Variants in FHOD3 observed in about 807,000 individuals in gnomAD.
FHOD3 encodes the protein formin homology 2 domain containing 3, also known as FH1/FH2 domain-containing protein 3.
A neutral mutation model predicts 173.0 loss-of-function variants in FHOD3; 90 were observed. That is an observed-to-expected ratio of 0.52 (90% CI 0.44 to 0.62). FHOD3 has a LOEUF of 0.62. Ranked by LOEUF, FHOD3 falls within the 20% of genes least tolerant of loss-of-function variation. The pLI, the probability that FHOD3 is intolerant of heterozygous loss-of-function variation, is 0.00. For synonymous variants in FHOD3, 828 were observed against 823.0 expected, an observed-to-expected ratio of 1.01 and a Z score of -0.10; for missense variants, 1,945 against 2,034.7, an observed-to-expected ratio of 0.96 and a Z score of 0.85.
chr18:36,394,434 G>A (rs918801714), intron 3 of FHOD3, among the ~76,000 whole-genome samples: 3 of 152,250 alleles, frequency 2.0e-5, no homozygotes, highest in South Asian at 2.1e-4. Flanking sequence ...AGGAAAGAGC[G>A]GTATAGCTGG....
At chr18:36,482,845 ACT>A (rs199862002) in intron 3 of FHOD3, among the ~76,000 whole-genome samples, 38,964 of 121,438 alleles carry the variant, frequency 0.32, 5,733 homozygotes, top group African/African-American at 0.33. Context: ...ACACACACAC[ACT>A]CACACACACA....
chr18:36,710,060 C>T (rs2040086244), intron 18 of FHOD3: 1 of 152,192 alleles, frequency 6.6e-6, no homozygotes, highest in Non-Finnish European at 1.5e-5. Context: ...AATACTCATT[C>T]AGTTCTCCTA....
chr18:36,777,278 C>A (rs2043746275), intron 28 of FHOD3, among the ~76,000 whole-genome samples: 1 of 150,794 alleles, frequency 6.6e-6, no homozygotes, highest in Non-Finnish European at 1.5e-5. Context: ...TCTCGGCTCA[C>A]CGCAACCTCC....
intron 15 of FHOD3, among the ~76,000 whole-genome samples, chr18:36,684,955 T>A (rs568978905): frequency 3.3e-5 from 5 of 152,026 alleles, no homozygotes; most frequent in Non-Finnish European, 7.4e-5. Context: ...GGCATGTACA[T>A]GGGACTACTG....
At position 36,493,612 on chromosome 18, in the gene FHOD3, A is replaced by G. The variant is rs146115603; in HGVS notation, c.338-8320A>G. Among the ~76,000 whole-genome samples the G allele has an allele frequency of 8.9e-3, 1,350 of 152,206 alleles. 20 individuals are homozygous for G. Among genetic ancestry groups the G allele is most frequent in the African/African-American group, 0.031 (1,282 of 41,502 alleles). Reference sequence around the variant, plus strand: ...GTGTTTCAGAGAGTTGTTTTTCACCAACTCTCTCTGACTGGTGTTTGAAGA... The same window carrying G: ...GTGTTTCAGAGAGTTGTTTTTCACCGACTCTCTCTGACTGGTGTTTGAAGA... On this transcript the variant is annotated intron_variant, in intron 3 of 28. Coordinates refer to ENST00000590592, the MANE Select transcript of FHOD3 (RefSeq NM_001281740.3).
At chr18:36,520,429 G>C (rs2056218731) in intron 5 of FHOD3, among the ~76,000 whole-genome samples, 1 of 152,214 alleles carries the variant, frequency 6.6e-6, no homozygotes, top group Admixed American at 6.5e-5. Flanking sequence ...TGAACCATGT[G>C]AGGTTGCTGG....
At chr18:36,438,476 C>T (rs1047432149) in intron 3 of FHOD3, among the ~76,000 whole-genome samples, 1 of 152,296 alleles carries the variant, frequency 6.6e-6, no homozygotes, top group East Asian at 1.9e-4. Flanking sequence ...GCTGTGGCTT[C>T]AGTAGCCCTT....
At chr18:36,307,285 A>G (rs901973723) in intron 1 of FHOD3, among the ~76,000 whole-genome samples, 1 of 152,044 alleles carries the variant, frequency 6.6e-6, no homozygotes, top group African/African-American at 2.4e-5. Flanking sequence ...TTAGAAGTCC[A>G]TTTTTCCCTA....
intron 1 of FHOD3, among the ~76,000 whole-genome samples, chr18:36,317,982 G>A (rs1275393743): frequency 6.6e-6 from 1 of 152,152 alleles, no homozygotes; most frequent in Non-Finnish European, 1.5e-5. Context: ...ATTAAATAGA[G>A]AATCCTTTCC....
chr18:36,539,822 A>G (rs2086554901), intron 5 of FHOD3, among the ~76,000 whole-genome samples: 1 of 152,176 alleles, frequency 6.6e-6, no homozygotes, highest in African/African-American at 2.4e-5. Flanking sequence ...AGTCCCCAAG[A>G]ATGGACAGCA....
chr18:36,634,238 A>G (rs771678061), intron 10 of FHOD3, among the ~76,000 whole-genome samples: 32 of 151,956 alleles, frequency 2.1e-4, no homozygotes, highest in South Asian at 1.2e-3. Flanking sequence ...GTTGTTTTCT[A>G]TTTTCCTGCA....
At chr18:36,608,897 T>C (rs1001186401) in intron 8 of FHOD3, among the ~76,000 whole-genome samples, 3 of 152,248 alleles carry the variant, frequency 2.0e-5, no homozygotes, top group African/African-American at 7.2e-5. Context: ...TGCTTACCCA[T>C]TCACCTGTTG....
intron 5 of FHOD3, among the ~76,000 whole-genome samples, chr18:36,520,392 T>G (rs949841646): frequency 1.3e-5 from 2 of 152,202 alleles, no homozygotes; most frequent in African/African-American, 4.8e-5. Context: ...CTGGCAAACA[T>G]TATCTCCAGC....
chr18:36,625,173 A>T (rs1005820043), intron 9 of FHOD3, among the ~76,000 whole-genome samples: 2 of 152,244 alleles, frequency 1.3e-5, no homozygotes, highest in South Asian at 4.2e-4. Flanking sequence ...GTGGGCAAGG[A>T]GATGGTGAAG....
chr18:36,637,516 A>G (rs1410956517), intron 10 of FHOD3, among the ~76,000 whole-genome samples: 2 of 152,146 alleles, frequency 1.3e-5, no homozygotes, highest in Non-Finnish European at 2.9e-5. Flanking sequence ...TCAGCCTCCC[A>G]AAGTGCTGGG....
chr18:36,366,099 C>G (rs958319674), intron 2 of FHOD3, among the ~76,000 whole-genome samples: 1 of 152,146 alleles, frequency 6.6e-6, no homozygotes, highest in Non-Finnish European at 1.5e-5. Flanking sequence ...GTTGCACACA[C>G]AGGAGGCACA....
At position 36,744,100 on chromosome 18, in the gene FHOD3, G is replaced by T. The variant is rs2042036297; in HGVS notation, c.3948G>T (p.Ser1316=). 3 of 1,614,164 alleles carry T rather than the reference G, an allele frequency of 1.9e-6. No individual in the cohort carries two copies. The highest frequency in any genetic ancestry group is 2.5e-6 in the Non-Finnish European group (3 of 1,180,028). The change falls in exon 23 of 29, where the codon TCG becomes TCT. Residue 1316 remains serine (S), a synonymous_variant. Coordinates refer to ENST00000590592, the MANE Select transcript of FHOD3 (RefSeq NM_001281740.3). ...PEVKDTVHKQ[S]LLHHVCTMVV... ...TCAAAGACACAGTGCACAAGCAGTC[G>T]CTTCTCCACCATGTGTGCACCATGG...
chr18:36,741,621 C>T lies in FHOD3; in HGVS notation c.3759+783C>T, dbSNP rs527861121. On this transcript the variant is annotated intron_variant, in intron 21 of 28. Coordinates refer to ENST00000590592, the MANE Select transcript of FHOD3 (RefSeq NM_001281740.3). ...CCTGTCTCTACAGAAATTTTAAAAA[C>T]TTAGCCAGGTGTTGTGGCATGTACT... Among the ~76,000 whole-genome samples the T allele has an allele frequency of 6.4e-4, 97 of 152,036 alleles. 1 individual carries two copies. The highest frequency in any genetic ancestry group is 2.2e-3 in the African/African-American group (90 of 41,478).
chr18:36,313,976 A>G (rs1025986129), intron 1 of FHOD3, among the ~76,000 whole-genome samples: 12 of 151,720 alleles, frequency 7.9e-5, no homozygotes, highest in African/African-American at 2.9e-4. Flanking sequence ...TCGACCTCCT[A>G]GGCTCAAGTG....
Sources: allele counts gnomAD v4.1 joint callset (sites outside exome capture counted in the v4.1 genomes callset), GRCh38; gene constraint gnomAD v4.1.1; transcripts MANE v1.5; gene names NCBI Gene and HGNC (gene_info 2026-07-23, HGNC 2026-07-21).